ANKRD24: variants seen among roughly 807,000 people sequenced by gnomAD.
ANKRD24 encodes ankyrin repeat domain 24, also known as ankyrin repeat domain-containing protein 24.
In ANKRD24, 109 loss-of-function variants were observed where a neutral mutation model predicts 127.8. That is an observed-to-expected ratio of 0.85 (90% confidence interval 0.73 to 1.00). The LOEUF (loss-of-function observed/expected upper bound fraction) is 1.00. Among genes scored for constraint, ANKRD24 ranks in the 50% least tolerant of loss-of-function variants. The probability of loss-of-function intolerance (pLI) is 0.00; values close to 1 mark genes in which losing one functional copy is unlikely to be tolerated. For synonymous variants in ANKRD24, 743 were observed against 671.1 expected (o/e 1.11, Z -1.66); for missense variants, 1,648 against 1,570.2 (o/e 1.05, Z -0.84).
rs756417770 is a variant in ANKRD24, at chr19:4,217,698, G to C, written c.2538G>C (p.Gln846His). 1.5e-5 allele frequency: 19 copies of C among 1,290,264 alleles called. No individual in the cohort carries two copies. The highest frequency in any genetic ancestry group is 1.9e-5 in the Non-Finnish European group (19 of 1,023,476). The allele number at this position is 1,290,264 out of a possible 1,614,324, so 79.9% of individuals were successfully genotyped here. ...AGCGGGAGGAGGCGCGGCTGGAGCAGAGCCGGGAGCTGGAGGTTCTGCGGG... is the reference window on the plus strand; with the variant it reads ...AGCGGGAGGAGGCGCGGCTGGAGCACAGCCGGGAGCTGGAGGTTCTGCGGG... ...LAQREEARLEQSRELEVLREQ... is the reference protein window; with the variant it reads ...LAQREEARLEHSRELEVLREQ... Residue 846 changes from glutamine to histidine, a missense_variant, in exon 18 of 22, where the codon CAG becomes CAC. Physicochemically the swap from Gln to His is conservative, Grantham distance 24 (BLOSUM62 0). Transcript: ENST00000318934.
At chr19:4,183,207 T>C (rs1389181373) in intron 1 of ANKRD24, 1 of 638,512 alleles carries the variant, frequency 1.6e-6, no homozygotes, top group Non-Finnish European at 1.9e-6. Context: ...CCCGAACTCC[T>C]GACCTCAGGT....
chr19:4,210,628 C>G, intron 13 of ANKRD24, among the ~76,000 whole-genome samples: 1 of 136,924 alleles, frequency 7.3e-6, no homozygotes, highest in East Asian at 2.4e-4. Flanking sequence ...CACCTGTGTC[C>G]TCTGCCTGGA....
At position 4,195,064 on chromosome 19, in the gene ANKRD24, G is replaced by GTTTGT. The variant is rs1555712533; in HGVS notation, c.37-4616_37-4612dup. Among the ~76,000 whole-genome samples the GTTTGT allele has an allele frequency of 5.9e-5, 9 of 151,422 alleles. No homozygotes were observed. Among genetic ancestry groups the GTTTGT allele is most frequent in the African/African-American group, 1.9e-4 (8 of 41,242 alleles). On this transcript the variant is annotated intron_variant, in intron 2 of 21. Coordinates refer to ENST00000318934, the MANE Select transcript of ANKRD24 (RefSeq NM_001393985.1). The surrounding 1 kb of genome is among the most constrained non-coding windows in gnomAD (Gnocchi z 4.2). ...CGTGAGCCACCGCGCCCAGGTTTTT[G>GTTTGT]TTTGTTTGTTTGTTTGTTTGTTTTT...
At position 4,199,158 on chromosome 19, in the gene ANKRD24, C is replaced by T. The variant is rs1968938848; in HGVS notation, c.37-525C>T. 6.6e-6 allele frequency among the ~76,000 whole-genome samples: 1 copy of T among 151,836 alleles called. No individual in the cohort carries two copies. The highest frequency in any genetic ancestry group is 2.4e-5 in the African/African-American group (1 of 41,320). ...GGGACTTTTAGGGGTTCAGATGGGA[C>T]TTTGGAGGGTAGTTTGGAAAAGACT... On this transcript the variant is annotated intron_variant, in intron 2 of 21. Transcript: ENST00000318934. The surrounding 1 kb of genome is among the most constrained non-coding windows in gnomAD (Gnocchi z 5.2).
intron 7 of ANKRD24, among the ~76,000 whole-genome samples, chr19:4,204,790 G>C (rs923688519): frequency 1.3e-5 from 2 of 152,218 alleles, no homozygotes; most frequent in African/African-American, 4.8e-5. Context: ...CCACCTAGTG[G>C]CGGCAATGCT....
chr19:4,198,667 G>A lies in ANKRD24; in HGVS notation c.37-1016G>A. The A allele has an allele frequency of 2.5e-6, 1 of 403,146 alleles. No homozygotes were observed. The highest frequency in any genetic ancestry group is 4.4e-6 in the Non-Finnish European group (1 of 227,548). The allele number at this position is 403,146 out of a possible 1,614,324, so 25.0% of individuals were successfully genotyped here. On this transcript the variant is annotated intron_variant, in intron 2 of 21. Coordinates refer to ENST00000318934, the MANE Select transcript of ANKRD24 (RefSeq NM_001393985.1). The surrounding 1 kb of genome is among the most constrained non-coding windows in gnomAD (Gnocchi z 6.1). ...AAGATGGTCGGCGGCGGGGGGTGGG[G>A]GGGAACAGAGGTTGGGGCAGCTTTT...
Position 4,217,573 on chromosome 19 carries a change from C to A in ANKRD24, c.2413C>A (p.Leu805Met), listed in dbSNP as rs1268883748. 7.6e-7 allele frequency: 1 copy of A among 1,309,070 alleles called. No individual in the cohort carries two copies. The highest frequency in any genetic ancestry group is 9.7e-7 in the Non-Finnish European group (1 of 1,033,214). 81.1% of individuals were successfully genotyped at this position (1,309,070 alleles called of 1,614,324 possible). The change falls in exon 18 of 22, where the codon CTG becomes ATG. Residue 805 changes from leucine (L) to methionine (M), a missense_variant. Leu to Met is a conservative substitution (Grantham distance 15). Coordinates refer to ENST00000318934, the MANE Select transcript of ANKRD24 (RefSeq NM_001393985.1). ...GGACCTCCGAGACCGGGACTCCCGC[C>A]TGCGGGAGCTGGAGGCGGCCTCGGC... is the stretch of plus-strand genomic sequence containing the variant. ...REDLRDRDSRLRELEAASACL... is the reference protein window; with the variant it reads ...REDLRDRDSRMRELEAASACL...
At chr19:4,212,938 C>G (rs1019994211) in intron 15 of ANKRD24, among the ~76,000 whole-genome samples, 7 of 152,180 alleles carry the variant, frequency 4.6e-5, no homozygotes, top group African/African-American at 1.7e-4. Context: ...CGAGACTGTC[C>G]TGGCCAACAT....
Position 4,186,409 on chromosome 19 carries a change from AAC to A in ANKRD24, c.-13_-12del. ...CCTCAGGTGGCCTGTGGAGAGGAGA[AAC>A]ACAGGGCACCAACTATGAAGACTCT... On this transcript the variant is annotated 5_prime_UTR_variant, in exon 2 of 22. Transcript: ENST00000318934. The A allele has an allele frequency of 6.3e-7, 1 of 1,584,114 alleles. No homozygotes were observed. Among genetic ancestry groups the A allele is most frequent in the Non-Finnish European group, 8.6e-7 (1 of 1,165,146 alleles).
chr19:4,194,739 A>T (rs1235076055), intron 2 of ANKRD24, among the ~76,000 whole-genome samples: 1 of 152,188 alleles, frequency 6.6e-6, no homozygotes. Flanking sequence ...AGAAAGATGC[A>T]TCCCAGAGGC....
At chr19:4,211,813 C>A (rs999961106) in intron 13 of ANKRD24, among the ~76,000 whole-genome samples, 1 of 151,974 alleles carries the variant, frequency 6.6e-6, no homozygotes, top group Admixed American at 6.6e-5. Context: ...AAATGAATGA[C>A]TGGTCAGAAT....
Position 4,217,352 on chromosome 19 carries a change from G to A in ANKRD24, c.2192G>A (p.Gly731Asp), listed in dbSNP as rs1289032498. Residue 731 changes from glycine to aspartate, a missense_variant, in exon 18 of 22, where the codon GGC becomes GAC. Coordinates refer to ENST00000318934, the MANE Select transcript of ANKRD24 (RefSeq NM_001393985.1). ...LQVELETRIR[G>D]LEEALRQRER... ...GTAGAGCTGGAGACCAGGATCCGTG[G>A]CTTGGAGGAGGCTCTCCGGCAGCGG... The A allele has an allele frequency of 1.3e-6, 2 of 1,551,422 alleles. No individual in the cohort carries two copies. Among genetic ancestry groups the A allele is most frequent in the East Asian group, 4.9e-5 (2 of 40,922 alleles).
intron 13 of ANKRD24, among the ~76,000 whole-genome samples, chr19:4,211,225 A>G (rs1028433140): frequency 6.6e-6 from 1 of 152,218 alleles, no homozygotes. Context: ...GAGGGCAGGC[A>G]TGGCTGATGG....
intron 2 of ANKRD24, among the ~76,000 whole-genome samples, chr19:4,191,689 C>T (rs2145230651): frequency 6.6e-6 from 1 of 151,822 alleles, no homozygotes; most frequent in South Asian, 2.1e-4. Flanking sequence ...ATCATGTTGG[C>T]CAGGTTGGTC....
intron 2 of ANKRD24, among the ~76,000 whole-genome samples, chr19:4,192,615 G>T (rs1968449078): frequency 6.6e-6 from 1 of 151,934 alleles, no homozygotes; most frequent in African/African-American, 2.4e-5. Flanking sequence ...CCCCTGAGGA[G>T]GTGACATTCT....
intron 2 of ANKRD24, among the ~76,000 whole-genome samples, chr19:4,197,208 G>A (rs1046151268): frequency 1.3e-5 from 2 of 152,144 alleles, no homozygotes; most frequent in Admixed American, 1.3e-4. Flanking sequence ...GGGCAGGGGC[G>A]GGGTGCTGGA....
chr19:4,186,603 C>T, intron 2 of ANKRD24, 142 bp downstream of exon 2: 1 of 909,994 alleles, frequency 1.1e-6, no homozygotes, highest in Non-Finnish European at 1.7e-6. Flanking sequence ...GTCATGACCT[C>T]CCCACTGCTC....
In ANKRD24 at chr19:4,182,696, A is replaced by G. The variant is rs187426670; in HGVS notation, c.-81A>G. 2,230 of 1,417,030 alleles carry G rather than the reference A, an allele frequency of 1.6e-3. 1 individual carries two copies. Among genetic ancestry groups the G allele is most frequent in the Non-Finnish European group, 1.9e-3 (2,098 of 1,084,058 alleles). 87.8% of individuals were successfully genotyped at this position (1,417,030 alleles called of 1,614,324 possible). On this transcript the variant is annotated 5_prime_UTR_variant, in exon 1 of 22. Transcript: ENST00000318934. Reference sequence around the variant, plus strand: ...GCGCCTCTTGCTGACGCCGCAGGCGACATGTTATCTGCTGTCAGAAGGAAG... The same window carrying G: ...GCGCCTCTTGCTGACGCCGCAGGCGGCATGTTATCTGCTGTCAGAAGGAAG...
chr19:4,202,751 G>T, intron 6 of ANKRD24, 118 bp from the exon 7 acceptor site: 1 of 1,052,060 alleles, frequency 9.5e-7, no homozygotes, highest in South Asian at 1.4e-5. Context: ...GGAGTCCCTT[G>T]GGGGCCACGG....
Sources: allele counts gnomAD v4.1 joint callset (sites outside exome capture counted in the v4.1 genomes callset), GRCh38; gene constraint gnomAD v4.1.1; non-coding constraint Gnocchi (gnomAD v3.1); transcripts MANE v1.5; gene names NCBI Gene and HGNC (gene_info 2026-07-23, HGNC 2026-07-21).